The following ALPK2 variants were observed in gnomAD, a reference collection of about 807,000 sequenced individuals.
The protein encoded by ALPK2 is alpha kinase 2, also known as alpha-protein kinase 2.
In ALPK2, 127 loss-of-function variants were observed where a neutral mutation model predicts 163.1. The ratio of observed to expected loss-of-function variants is 0.78; its 90% CI spans 0.67 to 0.90. The LOEUF (loss-of-function observed/expected upper bound fraction) is 0.90, where lower values mean the gene tolerates loss of function less well. ALPK2 is among the 40% of genes least tolerant of loss of function. ALPK2 has a pLI of 0.00. For synonymous variants in ALPK2, 953 were observed against 959.1 expected (o/e 0.99, Z 0.12); for missense variants, 2,360 against 2,589.6 (o/e 0.91, Z 1.92).
chr18:58,499,540 C>G (rs753570970), intron 11 of ALPK2, among the ~76,000 whole-genome samples: 11 of 152,216 alleles, frequency 7.2e-5, no homozygotes, highest in African/African-American at 2.7e-4. Flanking sequence ...GCCCTGACCA[C>G]GCACCAATTC....
intron 6 of ALPK2, among the ~76,000 whole-genome samples, chr18:58,525,511 C>T (rs1472611460): frequency 6.6e-6 from 1 of 152,162 alleles, no homozygotes; most frequent in African/African-American, 2.4e-5. Context: ...ATCTTCCTTC[C>T]AGCCTAGAAA....
intron 4 of ALPK2, among the ~76,000 whole-genome samples, chr18:58,574,867 TG>T (rs2144192697): frequency 6.6e-6 from 1 of 152,130 alleles, no homozygotes. Flanking sequence ...AACCAAAGAA[TG>T]TGCTCAGGAA....
At chr18:58,542,143 A>C (rs985767582) in intron 4 of ALPK2, among the ~76,000 whole-genome samples, 5 of 152,176 alleles carry the variant, frequency 3.3e-5, no homozygotes, top group Non-Finnish European at 5.9e-5. Context: ...GACTTGGAGG[A>C]CTAGCAACCA....
At chr18:58,526,309 C>T (rs1325707087) in intron 6 of ALPK2, among the ~76,000 whole-genome samples, 2 of 152,128 alleles carry the variant, frequency 1.3e-5, no homozygotes, top group East Asian at 1.9e-4. Context: ...TCTGAGAGAT[C>T]CCATCATCCA....
intron 9 of ALPK2, among the ~76,000 whole-genome samples, chr18:58,515,918 C>G (rs1378633125): frequency 6.6e-6 from 1 of 152,098 alleles, no homozygotes; most frequent in Non-Finnish European, 1.5e-5. Flanking sequence ...CCGGTGTAAA[C>G]AGTGAAATAT....
At chr18:58,601,391 T>C (rs184509338) in intron 3 of ALPK2, among the ~76,000 whole-genome samples, 17 of 152,326 alleles carry the variant, frequency 1.1e-4, no homozygotes, top group African/African-American at 3.4e-4. Context: ...GATTACAAAA[T>C]CTGGCTACAA....
chr18:58,538,835 A>G (rs1396319401), intron 4 of ALPK2, among the ~76,000 whole-genome samples: 2 of 151,820 alleles, frequency 1.3e-5, no homozygotes, highest in Non-Finnish European at 2.9e-5. Flanking sequence ...GGGTGGGGGG[A>G]ATGAGTGAGT....
chr18:58,513,493 A>G (rs922528073), intron 10 of ALPK2, among the ~76,000 whole-genome samples: 18 of 152,174 alleles, frequency 1.2e-4, no homozygotes, highest in Admixed American at 7.2e-4. Flanking sequence ...TAATGCAGCA[A>G]ATGAATCAGC....
chr18:58,485,915 C>T (rs2051336633), intron 12 of ALPK2, among the ~76,000 whole-genome samples: 1 of 152,222 alleles, frequency 6.6e-6, no homozygotes, highest in South Asian at 2.1e-4. Flanking sequence ...ATCAGGACTG[C>T]CTCGAGGCTT....
chr18:58,544,908 T>C (rs1386729514), intron 4 of ALPK2: 2 of 152,146 alleles, frequency 1.3e-5, no homozygotes, highest in Non-Finnish European at 2.9e-5. Flanking sequence ...CATAGCTAGA[T>C]GGGGCAAAGG....
At chr18:58,492,203 T>G (rs1015777588) in intron 12 of ALPK2, among the ~76,000 whole-genome samples, 4 of 151,554 alleles carry the variant, frequency 2.6e-5, no homozygotes, top group African/African-American at 9.7e-5. Flanking sequence ...GACACAGATA[T>G]ACACACAGAC....
chr18:58,529,434 T>G (rs988226918), intron 5 of ALPK2, among the ~76,000 whole-genome samples, 196 bp from the exon 6 acceptor site: 1 of 152,228 alleles, frequency 6.6e-6, no homozygotes, highest in African/African-American at 2.4e-5. Flanking sequence ...TAGAAAATGC[T>G]CACTTCCATT....
At chr18:58,489,931 A>G (rs2051364035) in intron 12 of ALPK2, among the ~76,000 whole-genome samples, 1 of 151,736 alleles carries the variant, frequency 6.6e-6, no homozygotes, top group Non-Finnish European at 1.5e-5. Context: ...AAATACAAAA[A>G]TTAGCTGGGT....
At chr18:58,485,790 G>A (rs1041031547) in intron 12 of ALPK2, among the ~76,000 whole-genome samples, 7 of 152,204 alleles carry the variant, frequency 4.6e-5, no homozygotes, top group Non-Finnish European at 8.8e-5. Flanking sequence ...TGCCACTGGG[G>A]GGGGACCCCG....
chr18:58,536,644 T>C lies in ALPK2; in HGVS notation c.3543A>G (p.Glu1181=), dbSNP rs1281324902. Residue 1181 remains glutamate, a synonymous_variant, in exon 5 of 13, where the codon GAA becomes GAG. Transcript: ENST00000361673. Reference sequence around the variant, plus strand: ...CCCAACCTGAGCGCTGCCCTGCTCCTTCCCTAGAGCTTGCGGGTGAGTGGG... The same window carrying C: ...CCCAACCTGAGCGCTGCCCTGCTCCCTCCCTAGAGCTTGCGGGTGAGTGGG... ...PTAHSPASSR[E]GAGQRSGWGT... 1 of 1,614,074 alleles carries C rather than the reference T, an allele frequency of 6.2e-7. No homozygotes were observed. The highest frequency in any genetic ancestry group is 8.5e-7 in the Non-Finnish European group (1 of 1,180,026).
At chr18:58,623,181 G>A (rs901462251) in intron 1 of ALPK2, among the ~76,000 whole-genome samples, 2 of 152,066 alleles carry the variant, frequency 1.3e-5, no homozygotes, top group East Asian at 1.9e-4. Context: ...AACCCAGCCA[G>A]TCAGAGTGTC....
rs575448579 is a variant in ALPK2 at position 58,481,449 on chromosome 18, A to G, written c.*374T>C. On this transcript the variant is annotated 3_prime_UTR_variant, in exon 13 of 13. Transcript: ENST00000361673. Reference sequence around the variant, plus strand: ...CTAGAAATCCCAGGTTAGGAATGACAGTGGGAAGAATTTTGGCTGTGAACA... The same window carrying G: ...CTAGAAATCCCAGGTTAGGAATGACGGTGGGAAGAATTTTGGCTGTGAACA... 4.9e-5 allele frequency: 11 copies of G among 226,136 alleles called. No individual in the cohort carries two copies. The highest frequency in any genetic ancestry group is 2.5e-4 in the African/African-American group (11 of 43,746). The allele number at this position is 226,136 out of a possible 1,614,324, so 14.0% of individuals were successfully genotyped here.
intron 3 of ALPK2, among the ~76,000 whole-genome samples, chr18:58,601,315 G>A (rs1190601295): frequency 1.3e-5 from 2 of 151,968 alleles, no homozygotes; most frequent in African/African-American, 4.8e-5. Flanking sequence ...TTTTTGAGAA[G>A]GATAAAGATA....
At chr18:58,600,316 C>T (rs529885445) in intron 3 of ALPK2, among the ~76,000 whole-genome samples, 5 of 152,150 alleles carry the variant, frequency 3.3e-5, no homozygotes, top group African/African-American at 7.2e-5. Flanking sequence ...GGATTACAGG[C>T]GTGAGTCACC....
Sources: allele counts gnomAD v4.1 joint callset (sites outside exome capture counted in the v4.1 genomes callset), GRCh38; gene constraint gnomAD v4.1.1; transcripts MANE v1.5; gene names NCBI Gene and HGNC (gene_info 2026-07-23, HGNC 2026-07-21).